The following LTBP1 variants were observed in gnomAD, a reference collection of about 807,000 sequenced individuals.
LTBP1 encodes latent transforming growth factor beta binding protein 1.
LTBP1 carries 129 observed loss-of-function variants against 207.6 expected under a neutral mutation model. The ratio of observed to expected loss-of-function variants is 0.62; its 90% confidence interval spans 0.54 to 0.72. LTBP1 has a LOEUF of 0.72. Ranked by LOEUF, LTBP1 falls within the 30% of genes least tolerant of loss-of-function variation. The pLI is 0.00. For missense variants in LTBP1, 2,281 were observed against 2,217.2 expected (o/e 1.03, Z -0.58); for synonymous variants, 963 against 833.7 (o/e 1.16, Z -2.67).
intron 11 of LTBP1, among the ~76,000 whole-genome samples, chr2:33,256,724 C>CTATATATATATATA (rs10529995): frequency 1.5e-5 from 1 of 68,832 alleles, no homozygotes; most frequent in Non-Finnish European, 2.8e-5. Context: ...GGAGGGCTAA[C>CTATATATATATATA]TATATATATA....
At chr2:33,161,371 A>G (rs1441645268) in intron 5 of LTBP1, among the ~76,000 whole-genome samples, 1 of 150,658 alleles carries the variant, frequency 6.6e-6, no homozygotes, top group Non-Finnish European at 1.5e-5. Flanking sequence ...AGGTTCAAGC[A>G]GTTCTCTGCC....
At chr2:33,021,515 TA>T (rs2149225470) in intron 3 of LTBP1, among the ~76,000 whole-genome samples, 1 of 152,338 alleles carries the variant, frequency 6.6e-6, no homozygotes, top group African/African-American at 2.4e-5. Context: ...GTTGTTAGTT[TA>T]AAAATTCTGT....
rs1469125010 is a variant in LTBP1 at position 33,182,687 on chromosome 2, G to GAGATATATATATATATATATATACATAT, written c.1202-4168_1202-4167insGATATATATATATATATATATACATATA. Among the ~76,000 whole-genome samples, 47 of 67,032 alleles carry GAGATATATATATATATATATATACATAT rather than the reference G, an allele frequency of 7.0e-4. 9 individuals are homozygous for GAGATATATATATATATATATATACATAT. The highest frequency in any genetic ancestry group is 2.7e-3 in the African/African-American group (45 of 16,836). 44.0% of individuals were successfully genotyped at this position (67,032 alleles called of 152,430 possible). On this transcript the variant is annotated intron_variant, in intron 5 of 33. Transcript: ENST00000404816. Reference sequence around the variant, plus strand: ...AAAAAAAAAAAGAAGAAAAGATGGTGATATATATATATACACACACACACA... The same window carrying GAGATATATATATATATATATATACATAT: ...AAAAAAAAAAAGAAGAAAAGATGGTGAGATATATATATATATATATATACATATATATATATATATACACACACACACA...
At chr2:33,113,260 C>T (rs188992959) in intron 4 of LTBP1, among the ~76,000 whole-genome samples, 34 of 152,272 alleles carry the variant, frequency 2.2e-4, no homozygotes, top group Non-Finnish European at 2.5e-4. Context: ...AATAATAATG[C>T]ATACCTTGAG....
chr2:33,232,609 A>T (rs2091851231), intron 9 of LTBP1, among the ~76,000 whole-genome samples: 1 of 151,850 alleles, frequency 6.6e-6, no homozygotes, highest in African/African-American at 2.4e-5. Flanking sequence ...TTTGGGGAGG[A>T]TTTGCCAAAT....
In LTBP1 at chr2:33,110,765, T is replaced by C; in HGVS notation, c.1033+14T>C. ...CACCTTTTCAGCGTGAGTATAGTCTTATCAACCATTTTCCCAAGTTATGGT... is the reference window on the plus strand; with the variant it reads ...CACCTTTTCAGCGTGAGTATAGTCTCATCAACCATTTTCCCAAGTTATGGT... On this transcript the variant is annotated intron_variant, in intron 4 of 33. Transcript: ENST00000404816. The C allele has an allele frequency of 1.2e-6, 2 of 1,608,212 alleles. No homozygotes were observed. The highest frequency in any genetic ancestry group is 8.5e-7 in the Non-Finnish European group (1 of 1,175,608).
chr2:33,187,878 C>T (rs565780375), intron 6 of LTBP1, among the ~76,000 whole-genome samples: 8 of 152,218 alleles, frequency 5.3e-5, no homozygotes, highest in African/African-American at 1.7e-4. Context: ...GTAAATCCTA[C>T]AATTTTTATG....
intron 8 of LTBP1, among the ~76,000 whole-genome samples, chr2:33,219,421 T>C (rs1290728261): frequency 6.6e-6 from 1 of 152,226 alleles, no homozygotes; most frequent in East Asian, 1.9e-4. Context: ...GATTTAAAAA[T>C]TTTAGTGTTT....
chr2:33,365,286 A>T (rs370793776), intron 30 of LTBP1, 47 bp from the exon 31 acceptor site: 7 of 1,541,570 alleles, frequency 4.5e-6, no homozygotes, highest in Non-Finnish European at 5.4e-6. Context: ...GTGTTTATAA[A>T]TAGGAATAAC....
chr2:32,982,654 T>G (rs978360254), intron 2 of LTBP1, among the ~76,000 whole-genome samples: 2 of 152,166 alleles, frequency 1.3e-5, no homozygotes, highest in African/African-American at 4.8e-5. Context: ...AAGGACTTGG[T>G]GCCTTGAGCT....
rs1020449094 is a variant in LTBP1 at position 33,042,953 on chromosome 2, C to T, written c.863+21747C>T. Among the ~76,000 whole-genome samples, 5 of 152,300 alleles carry T rather than the reference C, an allele frequency of 3.3e-5. No homozygotes were observed. In the South Asian group the frequency reaches 8.3e-4, roughly 25 times the overall value. ...CCATTGGGAAAAAAAACAGCCAGGC[C>T]TATGGTTTAAGGCCTTCTGGGCATC... On this transcript the variant is annotated intron_variant, in intron 3 of 33. Coordinates refer to ENST00000404816, the MANE Select transcript of LTBP1 (RefSeq NM_206943.4).
chr2:33,154,206 G>A (rs928315851), intron 5 of LTBP1, among the ~76,000 whole-genome samples: 1 of 152,130 alleles, frequency 6.6e-6, no homozygotes, highest in East Asian at 1.9e-4. Flanking sequence ...CCTGTAGGTA[G>A]ATTTTTTTTA....
intron 19 of LTBP1, among the ~76,000 whole-genome samples, chr2:33,292,696 T>G (rs2093797796): frequency 6.6e-6 from 1 of 152,234 alleles, no homozygotes; most frequent in Non-Finnish European, 1.5e-5. Context: ...TTTATTGGAC[T>G]CTTTTTCACC....
At chr2:33,127,527 G>A (rs770518859) in intron 4 of LTBP1, among the ~76,000 whole-genome samples, 2 of 151,770 alleles carry the variant, frequency 1.3e-5, no homozygotes, top group Non-Finnish European at 2.9e-5. Flanking sequence ...TCCAACCCCC[G>A]TATTCCATTC....
intron 3 of LTBP1, among the ~76,000 whole-genome samples, chr2:33,041,998 C>T (rs758671048): frequency 6.6e-6 from 1 of 152,190 alleles, no homozygotes; most frequent in Non-Finnish European, 1.5e-5. Context: ...TCCACATCCT[C>T]ATCAGCACTT....
At position 33,398,560 on chromosome 2, in the gene LTBP1, A is replaced by C; in HGVS notation, c.*15A>C. 2 of 1,611,546 alleles carry C rather than the reference A, an allele frequency of 1.2e-6. No individual in the cohort carries two copies. Among genetic ancestry groups the C allele is most frequent in the Non-Finnish European group, 8.5e-7 (1 of 1,178,574 alleles). On this transcript the variant is annotated 3_prime_UTR_variant, in exon 34 of 34. Transcript: ENST00000404816. The stretch of plus-strand genomic sequence containing the variant: ...ACCTGGAGTGAAACAGAATCTACAT[A>C]ACCTAAGCCCATATACTCTGCACTG...
chr2:33,041,623 T>C (rs1210849775), intron 3 of LTBP1, among the ~76,000 whole-genome samples: 1 of 152,254 alleles, frequency 6.6e-6, no homozygotes, highest in Non-Finnish European at 1.5e-5. Flanking sequence ...TAATCTGGAA[T>C]GGAGCACATG....
At chr2:33,183,362 T>C (rs955690670) in intron 5 of LTBP1, among the ~76,000 whole-genome samples, 5 of 152,274 alleles carry the variant, frequency 3.3e-5, no homozygotes, top group African/African-American at 1.2e-4. Flanking sequence ...CCTGCTTTGC[T>C]GTTTGTTCCT....
intron 9 of LTBP1, among the ~76,000 whole-genome samples, chr2:33,225,321 T>C (rs540300741): frequency 1.8e-4 from 27 of 152,312 alleles, no homozygotes; most frequent in Non-Finnish European, 3.7e-4. Context: ...AACTTATTCT[T>C]CCTATTTAAC....
Sources: allele counts gnomAD v4.1 joint callset (sites outside exome capture counted in the v4.1 genomes callset), GRCh38; gene constraint gnomAD v4.1.1; transcripts MANE v1.5; gene names NCBI Gene and HGNC (gene_info 2026-07-23, HGNC 2026-07-21).